Variants in NCMAP observed in about 807,000 individuals in gnomAD.
The protein encoded by NCMAP is non-compact myelin associated protein, also known as noncompact myelin-associated protein.
Under a neutral mutation model 7.8 loss-of-function variants are expected in NCMAP, and 8 were observed. The observed-to-expected ratio is 1.02, with a 90% CI of 0.60 to 1.84. The LOEUF (loss-of-function observed/expected upper bound fraction) is 1.84, where lower values mean the gene tolerates loss of function less well. NCMAP is among the 40% of genes most tolerant of loss of function. NCMAP has a pLI of 0.00. For missense variants in NCMAP, 112 were observed against 131.4 expected, an observed-to-expected ratio of 0.85 and a Z score of 0.72; for synonymous variants, 41 against 52.9, an observed-to-expected ratio of 0.78 and a Z score of 0.98.
At chr1:24,573,952 C>CAAATAAAAAAAAAAAAAAAAAA in intron 1 of NCMAP, among the ~76,000 whole-genome samples, 1 of 84,454 alleles carries the variant, frequency 1.2e-5, no homozygotes, top group Non-Finnish European at 2.2e-5. Context: ...CCAGAGAGGA[C>CAAATAAAAAAAAAAAAAAAAAA]AAAAAAAAAA....
intron 1 of NCMAP, among the ~76,000 whole-genome samples, chr1:24,577,945 T>C (rs953013781): frequency 2.0e-5 from 3 of 152,030 alleles, no homozygotes; most frequent in Admixed American, 2.0e-4. Flanking sequence ...TTGTTTTGAA[T>C]GAATTAGAAA....
intron 1 of NCMAP, among the ~76,000 whole-genome samples, chr1:24,562,981 G>GC (rs1198170013): frequency 1.3e-5 from 2 of 152,162 alleles, no homozygotes; most frequent in African/African-American, 4.8e-5. Flanking sequence ...TCCCTGGGGG[G>GC]GGACAGGAAC....
intron 1 of NCMAP, among the ~76,000 whole-genome samples, chr1:24,591,605 G>A (rs181607869): frequency 1.3e-5 from 2 of 152,322 alleles, no homozygotes; most frequent in South Asian, 2.1e-4. Context: ...TTTTCTTGGG[G>A]AGCAATAGGG....
intron 1 of NCMAP, among the ~76,000 whole-genome samples, chr1:24,583,081 C>T (rs757441284): frequency 8.5e-5 from 13 of 152,122 alleles, no homozygotes; most frequent in Admixed American, 2.6e-4. Flanking sequence ...TTATCTAGTT[C>T]TTCTTGGATA....
rs1190616008 is a variant in NCMAP, at chr1:24,604,857, G to A, written c.168-749G>A. On this transcript the variant is annotated intron_variant, in intron 3 of 3. Transcript: ENST00000374392. ...TGGCTGGGCATGGTGGCTCATGCCT[G>A]TAATCACAGCACTTTGGGAGGCCGA... 4.0e-5 allele frequency among the ~76,000 whole-genome samples: 6 copies of A among 151,108 alleles called. No individual in the cohort carries two copies. In the East Asian group the frequency reaches 9.7e-4, roughly 25 times the overall value.
At chr1:24,584,974 CGGGT>C (rs1283738960) in intron 1 of NCMAP, among the ~76,000 whole-genome samples, 1 of 18,536 alleles carries the variant, frequency 5.4e-5, no homozygotes, top group Non-Finnish European at 1.4e-4. Context: ...AGTGGGTGGG[CGGGT>C]GGGTGGGTGG....
chr1:24,587,130 C>T (rs943913209), intron 1 of NCMAP, among the ~76,000 whole-genome samples: 9 of 152,148 alleles, frequency 5.9e-5, no homozygotes, highest in Admixed American at 5.9e-4. Context: ...ATCAAGAAAA[C>T]TGTCATTCTG....
intron 1 of NCMAP, among the ~76,000 whole-genome samples, chr1:24,574,475 A>G (rs1288954765): frequency 6.6e-6 from 1 of 152,140 alleles, no homozygotes; most frequent in Non-Finnish European, 1.5e-5. Context: ...TCGGGCTTGG[A>G]CTGAGCCACG....
rs180977099 is a variant in NCMAP at position 24,569,182 on chromosome 1, C to T, written c.-8+13013C>T. Among the ~76,000 whole-genome samples the T allele has an allele frequency of 1.1e-3, 164 of 151,916 alleles. 2 individuals are homozygous for T. In the South Asian group the frequency reaches 0.023, roughly 21 times the overall value. On this transcript the variant is annotated intron_variant, in intron 1 of 3. Coordinates refer to ENST00000374392, the MANE Select transcript of NCMAP (RefSeq NM_001010980.5). ...CTGATTTTTGTATTTTTAGTAGAGA[C>T]GGGGTTTCACCATGTTGGCCAGGCT...
Position 24,606,758 on chromosome 1 carries a change from T to G in NCMAP, c.*1011T>G, listed in dbSNP as rs1652745333. On this transcript the variant is annotated 3_prime_UTR_variant, in exon 4 of 4. Transcript: ENST00000374392. ...AACAATCTACCAAGAAGAGAAAGTA[T>G]CTGGAATTAAGAAGTCCTACCATCC... 2 of 152,154 alleles carry G rather than the reference T, an allele frequency of 1.3e-5. No individual in the cohort carries two copies. Among genetic ancestry groups the G allele is most frequent in the Non-Finnish European group, 2.9e-5 (2 of 68,040 alleles). The allele number at this position is 152,154 out of a possible 1,614,324, so 9.4% of individuals were successfully genotyped here. A position where few individuals can be genotyped will look rare whatever the true frequency, so the allele number is the denominator to read the frequency against.
At chr1:24,557,503 C>G (rs1650933628) in intron 1 of NCMAP, among the ~76,000 whole-genome samples, 1 of 152,006 alleles carries the variant, frequency 6.6e-6, no homozygotes, top group South Asian at 2.1e-4. Context: ...GTGACAGGCA[C>G]AGCCAGAGCA....
intron 1 of NCMAP, among the ~76,000 whole-genome samples, chr1:24,567,743 C>T (rs1181495188): frequency 6.6e-6 from 1 of 152,144 alleles, no homozygotes; most frequent in East Asian, 1.9e-4. Context: ...TCTCCACCCT[C>T]TTTCTAGTTC....
chr1:24,597,649 A>AAG (rs1435221892), intron 2 of NCMAP, among the ~76,000 whole-genome samples: 2 of 139,526 alleles, frequency 1.4e-5, no homozygotes, highest in Non-Finnish European at 3.1e-5. Context: ...GAAAGAAAGA[A>AAG]AGAAAGAAAG....
At chr1:24,590,331 T>A (rs558208869) in intron 1 of NCMAP, among the ~76,000 whole-genome samples, 1 of 152,166 alleles carries the variant, frequency 6.6e-6, no homozygotes, top group Non-Finnish European at 1.5e-5. Flanking sequence ...TTGTTCCATG[T>A]CTCTCTCACT....
intron 1 of NCMAP, among the ~76,000 whole-genome samples, chr1:24,574,807 T>C (rs1427736376): frequency 1.3e-5 from 2 of 150,534 alleles, no homozygotes; most frequent in South Asian, 2.1e-4. Flanking sequence ...TTTTTTTTTT[T>C]TTTTTTGAGA....
chr1:24,592,068 G>A (rs752269648), intron 1 of NCMAP, among the ~76,000 whole-genome samples: 1 of 152,234 alleles, frequency 6.6e-6, no homozygotes, highest in Non-Finnish European at 1.5e-5. Flanking sequence ...AGGGACTGGG[G>A]AGGCCAATGC....
chr1:24,595,284 T>C lies in NCMAP; in HGVS notation c.-7-140T>C, dbSNP rs1197178254. On this transcript the variant is annotated intron_variant, in intron 1 of 3. Transcript: ENST00000374392. ...CCCACCCACGGTATCTAATAATGGGTTTTGCATTTACTTGCTGCCAAGAGA... is the reference window on the plus strand; with the variant it reads ...CCCACCCACGGTATCTAATAATGGGCTTTGCATTTACTTGCTGCCAAGAGA... 3 of 596,992 alleles carry C rather than the reference T, an allele frequency of 5.0e-6. No individual in the cohort carries two copies. In the African/African-American group the frequency reaches 5.5e-5, roughly 11 times the overall value. 37.0% of individuals were successfully genotyped at this position (596,992 alleles called of 1,614,324 possible). A position where few individuals can be genotyped will look rare whatever the true frequency, so the allele number is the denominator to read the frequency against.
intron 1 of NCMAP, among the ~76,000 whole-genome samples, chr1:24,569,450 A>G (rs1228401000): frequency 2.0e-5 from 3 of 148,446 alleles, no homozygotes; most frequent in Admixed American, 1.3e-4. Flanking sequence ...CTTCACTCCC[A>G]TTGTTCTTCC....
At chr1:24,586,198 G>A (rs965884316) in intron 1 of NCMAP, among the ~76,000 whole-genome samples, 3 of 152,156 alleles carry the variant, frequency 2.0e-5, no homozygotes, top group South Asian at 2.1e-4. Context: ...CCAGGTCTAG[G>A]CAACCCCAAA....
Sources: allele counts gnomAD v4.1 joint callset (sites outside exome capture counted in the v4.1 genomes callset), GRCh38; gene constraint gnomAD v4.1.1; transcripts MANE v1.5; gene names NCBI Gene and HGNC (gene_info 2026-07-23, HGNC 2026-07-21).